OR51B5: variants seen among roughly 807,000 people sequenced by gnomAD.
OR51B5 encodes olfactory receptor 51B5.
For synonymous variants in OR51B5, 186 were observed against 144.8 expected, an observed-to-expected ratio of 1.28 and a Z score of -2.04; for missense variants, 456 against 374.6, an observed-to-expected ratio of 1.22 and a Z score of -1.79.
At chr11:5,427,774 C>A (rs964380344) in intron 1 of OR51B5, among the ~76,000 whole-genome samples, 3 of 151,976 alleles carry the variant, frequency 2.0e-5, no homozygotes, top group Non-Finnish European at 4.4e-5. Flanking sequence ...GTTTTTCTAC[C>A]ATTATATTTC....
At chr11:5,414,338 G>A (rs1265208126) in intron 1 of OR51B5, among the ~76,000 whole-genome samples, 1 of 141,790 alleles carries the variant, frequency 7.1e-6, no homozygotes, top group Admixed American at 7.2e-5. Context: ...ATGCCAAAAT[G>A]TAAAGACCAT....
At chr11:5,353,466 TCA>T (rs1849134874) in intron 1 of OR51B5, among the ~76,000 whole-genome samples, 1 of 144,008 alleles carries the variant, frequency 6.9e-6, no homozygotes, top group Non-Finnish European at 1.5e-5. Context: ...AAACAGTTGG[TCA>T]TATGTGGAGA....
At position 5,381,265 on chromosome 11, in the gene OR51B5, T is replaced by A. The variant is rs182363470; in HGVS notation, n.85-34355A>T. On this transcript the variant is annotated intron_variant and non_coding_transcript_variant, in intron 1 of 4. Coordinates refer to the OR51B5 transcript ENST00000415970. ...TTACAGTGACACTTTTCACTTTTAG[T>A]AATGGATTTAGATTCTTTAATAATG... Among the ~76,000 whole-genome samples the A allele has an allele frequency of 5.4e-3, 823 of 152,312 alleles. 7 individuals carry two copies. Among genetic ancestry groups the A allele is most frequent in the African/African-American group, 0.019 (773 of 41,560 alleles).
intron 1 of OR51B5, among the ~76,000 whole-genome samples, chr11:5,363,304 T>C (rs1434413564): frequency 2.7e-5 from 4 of 147,990 alleles, no homozygotes; most frequent in Middle Eastern, 3.3e-3. Context: ...TGGACAGACA[T>C]CGTTTTTCAA....
intron 1 of OR51B5, among the ~76,000 whole-genome samples, chr11:5,466,133 A>C (rs1564822700): frequency 6.6e-6 from 1 of 152,212 alleles, no homozygotes. Context: ...CCCATCAAAA[A>C]GTGGGCGAAG....
intron 1 of OR51B5, among the ~76,000 whole-genome samples, chr11:5,497,504 T>G (rs1043145488): frequency 6.6e-6 from 1 of 152,194 alleles, no homozygotes; most frequent in African/African-American, 2.4e-5. Flanking sequence ...TAAGGTTGAT[T>G]GGGACACTCT....
intron 1 of OR51B5, among the ~76,000 whole-genome samples, chr11:5,379,724 A>G (rs536320238): frequency 2.0e-3 from 302 of 152,244 alleles, no homozygotes; most frequent in Non-Finnish European, 3.1e-3. Flanking sequence ...CATTCAGTCA[A>G]TAATTCCTCA....
chr11:5,375,921 G>T (rs1589961592), intron 1 of OR51B5, among the ~76,000 whole-genome samples: 1 of 151,996 alleles, frequency 6.6e-6, no homozygotes, highest in East Asian at 1.9e-4. Flanking sequence ...AAGTTAACAA[G>T]GATATCCAGG....
intron 1 of OR51B5, among the ~76,000 whole-genome samples, chr11:5,358,765 T>A (rs930009614): frequency 2.6e-5 from 4 of 152,162 alleles, no homozygotes; most frequent in Non-Finnish European, 5.9e-5. Context: ...GCAAAGCAAA[T>A]CCAGCAGCAC....
chr11:5,352,269 TTGTC>T, intron 1 of OR51B5: 4 of 1,614,218 alleles, frequency 2.5e-6, no homozygotes, highest in Non-Finnish European at 3.4e-6. Flanking sequence ...TCACTGTAGT[TTGTC>T]TGACATTTAT....
Position 5,440,725 on chromosome 11 carries a change from G to A in OR51B5, n.84+64844C>T, listed in dbSNP as rs142432134. The A allele has an allele frequency of 4.3e-4, 700 of 1,613,966 alleles. 4 individuals are homozygous for A. In the African/African-American group the frequency reaches 8.0e-3, roughly 19 times the overall value. ...GGTGGAGCACTTTTCCAGAAGCGGT[G>A]AATCATGGAGACAGCAATTATGGGC... On this transcript the variant is annotated intron_variant and non_coding_transcript_variant, in intron 1 of 4. Coordinates refer to the OR51B5 transcript ENST00000415970.
At chr11:5,376,008 A>T (rs1002131493) in intron 1 of OR51B5, among the ~76,000 whole-genome samples, 1 of 151,870 alleles carries the variant, frequency 6.6e-6, no homozygotes, top group Non-Finnish European at 1.5e-5. Flanking sequence ...CAGAATATAC[A>T]TTTTTTTTCA....
intron 1 of OR51B5, chr11:5,352,511 A>G (rs1025212995): frequency 7.2e-6 from 7 of 976,498 alleles, no homozygotes; most frequent in African/African-American, 4.9e-5. Context: ...TGTTGCCAGC[A>G]TAAGTAACTA....
chr11:5,411,380 C>T (rs369726362), intron 1 of OR51B5, among the ~76,000 whole-genome samples: 13 of 152,060 alleles, frequency 8.5e-5, no homozygotes, highest in African/African-American at 3.1e-4. Flanking sequence ...GTAAGCTGTA[C>T]CATCTAGGCT....
At position 5,440,730 on chromosome 11, in the gene OR51B5, A is replaced by G. The variant is rs752477429; in HGVS notation, n.84+64839T>C. 11 of 1,613,898 alleles carry G rather than the reference A, an allele frequency of 6.8e-6. No homozygotes were observed. In the South Asian group the frequency reaches 9.9e-5, roughly 14 times the overall value. On this transcript the variant is annotated intron_variant and non_coding_transcript_variant, in intron 1 of 4. Coordinates refer to the OR51B5 transcript ENST00000415970. ...AGCACTTTTCCAGAAGCGGTGAATC[A>G]TGGAGACAGCAATTATGGGCACATA...
intron 1 of OR51B5, among the ~76,000 whole-genome samples, chr11:5,413,010 A>AACCCC (rs1564805258): frequency 6.8e-6 from 1 of 146,228 alleles, no homozygotes; most frequent in African/African-American, 2.5e-5. Context: ...CCCTGACCCC[A>AACCCC]GAGCAGCCTT....
chr11:5,432,198 T>C (rs1850544094), intron 1 of OR51B5, among the ~76,000 whole-genome samples: 1 of 152,222 alleles, frequency 6.6e-6, no homozygotes, highest in Admixed American at 6.5e-5. Context: ...CACCCTCTGG[T>C]GATTATCATT....
chr11:5,407,429 T>C (rs1228961167), intron 1 of OR51B5, among the ~76,000 whole-genome samples: 1 of 152,190 alleles, frequency 6.6e-6, no homozygotes, highest in African/African-American at 2.4e-5. Context: ...TGGTTTCTTG[T>C]TCACTTCTTC....
At chr11:5,419,491 T>C (rs1279331988) in intron 1 of OR51B5, among the ~76,000 whole-genome samples, 1 of 152,212 alleles carries the variant, frequency 6.6e-6, no homozygotes, top group African/African-American at 2.4e-5. Context: ...TATTTTCCCC[T>C]GTCATTATTC....
Sources: gnomAD v4.1 joint callset for allele counts (sites outside exome capture counted in the v4.1 genomes callset) on GRCh38, gnomAD v4.1.1 for gene constraint, MANE v1.5 for transcripts, NCBI Gene and HGNC (gene_info 2026-07-23, HGNC 2026-07-21) for gene names.